Variants in FAM91A1 observed in about 807,000 individuals in gnomAD.
FAM91A1 encodes the protein family with sequence similarity 91 member A1, also known as protein FAM91A1.
Under a neutral mutation model 113.5 loss-of-function variants are expected in FAM91A1, and 41 were observed. That is an observed-to-expected ratio of 0.36 (90% confidence interval 0.28 to 0.47). FAM91A1 has a LOEUF of 0.47. FAM91A1 is among the 20% of genes least tolerant of loss of function. The probability of loss-of-function intolerance (pLI) is 1.00; values close to 1 mark genes in which losing one functional copy is unlikely to be tolerated. For synonymous variants in FAM91A1, 307 were observed against 347.9 expected (o/e 0.88, Z 1.31); for missense variants, 696 against 1,001.2 (o/e 0.70, Z 4.11).
intron 8 of FAM91A1, among the ~76,000 whole-genome samples, chr8:123,783,811 A>G (rs895872366): frequency 2.6e-5 from 4 of 152,204 alleles, no homozygotes; most frequent in African/African-American, 9.6e-5. Flanking sequence ...AGTATGAATG[A>G]ACATTCAGGT....
At chr8:123,810,042 T>C (rs576603563) in intron 22 of FAM91A1, among the ~76,000 whole-genome samples, 2 of 152,350 alleles carry the variant, frequency 1.3e-5, no homozygotes, top group South Asian at 4.1e-4. Context: ...AAACAATAAC[T>C]TTGATTTTAG....
intron 16 of FAM91A1, among the ~76,000 whole-genome samples, chr8:123,799,166 C>G (rs1815615084): frequency 6.6e-6 from 1 of 152,158 alleles, no homozygotes. Flanking sequence ...GCTTTTTGAA[C>G]AACCTTACAA....
At position 123,781,063 on chromosome 8, in the gene FAM91A1, A is replaced by T. The variant is rs1014068169; in HGVS notation, c.703+521A>T. Among the ~76,000 whole-genome samples the T allele has an allele frequency of 4.6e-5, 7 of 152,272 alleles. No homozygotes were observed. The South Asian group carries it at 1.5e-3, about 32-fold the overall frequency. On this transcript the variant is annotated intron_variant, in intron 8 of 23. Coordinates refer to ENST00000334705, the MANE Select transcript of FAM91A1 (RefSeq NM_144963.4). ...AACCATTTTGTATTTCTGGTAATTT[A>T]GATTATTTCCAGTTTTTTTGCCACT...
chr8:123,792,098 C>G (rs1447255252), intron 15 of FAM91A1, among the ~76,000 whole-genome samples: 1 of 152,096 alleles, frequency 6.6e-6, no homozygotes, highest in Non-Finnish European at 1.5e-5. Context: ...TTGCTTGAAC[C>G]TGGGAGGCTG....
chr8:123,793,596 A>C (rs1485647474), intron 15 of FAM91A1, among the ~76,000 whole-genome samples: 2 of 152,156 alleles, frequency 1.3e-5, no homozygotes, highest in African/African-American at 2.4e-5. Flanking sequence ...TCCTTATGAC[A>C]TGCCTCCAGG....
intron 15 of FAM91A1, among the ~76,000 whole-genome samples, chr8:123,794,351 T>G (rs893953461): frequency 6.6e-6 from 1 of 152,238 alleles, no homozygotes; most frequent in Admixed American, 6.5e-5. Context: ...TATCATTTAT[T>G]ATCATAAAAT....
intron 15 of FAM91A1, among the ~76,000 whole-genome samples, chr8:123,790,361 T>G (rs1352132065): frequency 2.0e-5 from 3 of 152,110 alleles, no homozygotes; most frequent in Non-Finnish European, 4.4e-5. Flanking sequence ...GATGGGGATT[T>G]GGATTCAGTA....
chr8:123,794,346 T>C (rs1447558657), intron 15 of FAM91A1, among the ~76,000 whole-genome samples: 2 of 152,248 alleles, frequency 1.3e-5, no homozygotes, highest in East Asian at 3.8e-4. Flanking sequence ...TATTTTATCA[T>C]TTATTATCAT....
At position 123,774,075 on chromosome 8, in the gene FAM91A1, C is replaced by T. The variant is rs752677531; in HGVS notation, c.73-5C>T. The T allele has an allele frequency of 1.1e-5, 18 of 1,603,364 alleles. No individual in the cohort carries two copies. Among genetic ancestry groups the T allele is most frequent in the South Asian group, 5.6e-5 (5 of 88,688 alleles). ...TGTTTAAAATCTTTTTGAAATTTCT[C>T]CTAGAGTCTTGGAAATTCACAGAGA... is the stretch of plus-strand genomic sequence containing the variant. On this transcript the variant is annotated splice_polypyrimidine_tract_variant and splice_region_variant and intron_variant, in intron 1 of 23. Coordinates refer to ENST00000334705, the MANE Select transcript of FAM91A1 (RefSeq NM_144963.4).
intron 15 of FAM91A1, among the ~76,000 whole-genome samples, chr8:123,797,258 G>A (rs963665318): frequency 1.4e-4 from 21 of 152,152 alleles, no homozygotes; most frequent in African/African-American, 4.8e-4. Context: ...TGACTTATGT[G>A]CACTCTTCTA....
At chr8:123,786,360 C>T (rs768136659) in intron 11 of FAM91A1, 135 bp from the exon 12 acceptor site, 94 of 649,668 alleles carry the variant, frequency 1.4e-4, no homozygotes, top group South Asian at 3.7e-4. Context: ...TTTTGGGCTG[C>T]GACTTAATTT....
intron 8 of FAM91A1, among the ~76,000 whole-genome samples, chr8:123,783,145 C>T (rs1040702626): frequency 3.9e-5 from 6 of 152,176 alleles, no homozygotes; most frequent in African/African-American, 1.4e-4. Flanking sequence ...CCCTGCATTC[C>T]AGCCTAGGTG....
chr8:123,800,163 G>A (rs1456567472), intron 18 of FAM91A1, among the ~76,000 whole-genome samples: 2 of 151,864 alleles, frequency 1.3e-5, no homozygotes, highest in Non-Finnish European at 1.5e-5. Context: ...TAGCTTTACA[G>A]TAGTTTCCCC....
intron 15 of FAM91A1, among the ~76,000 whole-genome samples, chr8:123,792,205 G>A (rs935980233): frequency 7.2e-5 from 11 of 152,084 alleles, no homozygotes; most frequent in African/African-American, 2.7e-4. Flanking sequence ...TCTAGTATTG[G>A]TGTTTTAAGC....
intron 22 of FAM91A1, among the ~76,000 whole-genome samples, chr8:123,809,305 T>C (rs574398330): frequency 1.3e-5 from 2 of 152,244 alleles, no homozygotes; most frequent in South Asian, 4.1e-4. Context: ...TGATATGGAG[T>C]ATGAACCTAG....
chr8:123,792,539 A>G (rs1205110325), intron 15 of FAM91A1, among the ~76,000 whole-genome samples: 1 of 152,192 alleles, frequency 6.6e-6, no homozygotes, highest in Non-Finnish European at 1.5e-5. Flanking sequence ...CATAAAAACC[A>G]CTGTTTATAA....
intron 18 of FAM91A1, 72 bp from the exon 19 acceptor site, chr8:123,805,195 T>C (rs1371829775): frequency 1.7e-6 from 2 of 1,191,642 alleles, no homozygotes; most frequent in Non-Finnish European, 2.4e-6. Context: ...GACACAATCT[T>C]ATTTACTTTT....
intron 1 of FAM91A1, among the ~76,000 whole-genome samples, chr8:123,769,293 A>AG (rs1353974101): frequency 6.8e-6 from 1 of 146,790 alleles, no homozygotes; most frequent in Non-Finnish European, 1.5e-5. Flanking sequence ...AGATTTTTCC[A>AG]GGGGGAGGGA....
chr8:123,775,953 A>C (rs1467593817), intron 3 of FAM91A1, among the ~76,000 whole-genome samples: 1 of 152,188 alleles, frequency 6.6e-6, no homozygotes, highest in East Asian at 1.9e-4. Context: ...TGACACAGTG[A>C]GACTGTCTCA....
Sources: allele counts gnomAD v4.1 joint callset (sites outside exome capture counted in the v4.1 genomes callset), GRCh38; gene constraint gnomAD v4.1.1; transcripts MANE v1.5; gene names NCBI Gene and HGNC (gene_info 2026-07-23, HGNC 2026-07-21).